Variants in PCSK2 observed in about 807,000 individuals in gnomAD.
PCSK2 encodes neuroendocrine convertase 2.
In PCSK2, 14 loss-of-function variants were observed where a neutral mutation model predicts 69.7. That is an observed-to-expected ratio of 0.20 (90% confidence interval 0.13 to 0.31). The LOEUF (loss-of-function observed/expected upper bound fraction) is 0.31. Among genes scored for constraint, PCSK2 ranks in the 10% least tolerant of loss-of-function variants. The pLI is 1.00. For missense variants in PCSK2, 544 were observed against 842.5 expected, an observed-to-expected ratio of 0.65 and a Z score of 4.39; for synonymous variants, 307 against 320.7, an observed-to-expected ratio of 0.96 and a Z score of 0.46.
chr20:17,242,631 T>A (rs1181524298), intron 1 of PCSK2, among the ~76,000 whole-genome samples: 2 of 152,208 alleles, frequency 1.3e-5, no homozygotes, highest in Non-Finnish European at 2.9e-5. Context: ...AAGGACCTTC[T>A]CAGACCATGC....
chr20:17,359,629 A>C (rs561616721), intron 3 of PCSK2, among the ~76,000 whole-genome samples: 1 of 152,342 alleles, frequency 6.6e-6, no homozygotes, highest in South Asian at 2.1e-4. Flanking sequence ...GTCATCCGCC[A>C]TTCTAACTTC....
intron 2 of PCSK2, among the ~76,000 whole-genome samples, chr20:17,351,990 AG>A (rs1393885018): frequency 2.0e-5 from 3 of 152,374 alleles, no homozygotes; most frequent in South Asian, 4.1e-4. Flanking sequence ...TAATAAAAAA[AG>A]CTTCAGTAAC....
At chr20:17,259,208 G>C (rs916834291) in intron 1 of PCSK2, among the ~76,000 whole-genome samples, 1 of 152,118 alleles carries the variant, frequency 6.6e-6, no homozygotes, top group Admixed American at 6.5e-5. Flanking sequence ...GTAGTGGAAT[G>C]CTTTTTGATT....
intron 3 of PCSK2, 35 bp downstream of exon 3, chr20:17,358,475 T>C: frequency 1.8e-6 from 2 of 1,099,844 alleles, no homozygotes; most frequent in Non-Finnish European, 2.8e-6. Flanking sequence ...ACATTTCCCA[T>C]CTTGAGACTC....
intron 8 of PCSK2, among the ~76,000 whole-genome samples, chr20:17,449,545 T>TATATATATATATGTATTTA (rs1394693452): frequency 6.7e-6 from 1 of 149,774 alleles, no homozygotes; most frequent in African/African-American, 2.5e-5. Flanking sequence ...TATATGTATA[T>TATATATATATATGTATTTA]TTGAGACTGA....
chr20:17,272,261 A>T (rs1987898621), intron 2 of PCSK2, among the ~76,000 whole-genome samples: 1 of 152,118 alleles, frequency 6.6e-6, no homozygotes, highest in Non-Finnish European at 1.5e-5. Flanking sequence ...ATTATTTCAG[A>T]GTAGTATTGC....
At chr20:17,378,374 T>G (rs987211022) in intron 5 of PCSK2, among the ~76,000 whole-genome samples, 2 of 152,188 alleles carry the variant, frequency 1.3e-5, no homozygotes, top group Non-Finnish European at 2.9e-5. Flanking sequence ...CCTAGAAGCC[T>G]AGACTTAAAA....
At chr20:17,364,474 G>A (rs2030518827) in intron 4 of PCSK2, among the ~76,000 whole-genome samples, 1 of 152,164 alleles carries the variant, frequency 6.6e-6, no homozygotes, top group African/African-American at 2.4e-5. Context: ...TCACGATCAT[G>A]GCGGGAGATG....
chr20:17,304,014 G>A (rs1989247311), intron 2 of PCSK2, among the ~76,000 whole-genome samples: 1 of 150,338 alleles, frequency 6.7e-6, no homozygotes, highest in East Asian at 2.0e-4. Context: ...AGCTATATAT[G>A]GTTCTGGAAT....
At chr20:17,381,025 A>C (rs947854172) in intron 5 of PCSK2, among the ~76,000 whole-genome samples, 1 of 152,192 alleles carries the variant, frequency 6.6e-6, no homozygotes, top group African/African-American at 2.4e-5. Context: ...GGCTCCCAGG[A>C]ATCCTGATCT....
At position 17,232,551 on chromosome 20, in the gene PCSK2, T is replaced by A. The variant is rs1986179199; in HGVS notation, c.177+5069T>A. ...TTGGGTTGTCCATCTTCACTTTTTATTTGTAGGATTTCTTTACCTATGATG... is the reference window on the plus strand; with the variant it reads ...TTGGGTTGTCCATCTTCACTTTTTAATTGTAGGATTTCTTTACCTATGATG... On this transcript the variant is annotated intron_variant, in intron 1 of 11. Transcript: ENST00000262545. Among the ~76,000 whole-genome samples, 4 of 152,344 alleles carry A rather than the reference T, an allele frequency of 2.6e-5. No individual in the cohort carries two copies. In the South Asian group the frequency reaches 8.3e-4, roughly 32 times the overall value.
At chr20:17,458,383 C>A (rs2032959367) in intron 10 of PCSK2, among the ~76,000 whole-genome samples, 1 of 152,166 alleles carries the variant, frequency 6.6e-6, no homozygotes, top group South Asian at 2.1e-4. Flanking sequence ...AATTAGGCCT[C>A]AGAGTTTGTT....
chr20:17,371,735 T>C (rs4814613), intron 5 of PCSK2, among the ~76,000 whole-genome samples: 26,485 of 151,926 alleles, frequency 0.17, 3,262 homozygotes, highest in East Asian at 0.5. Flanking sequence ...CATTTTTATG[T>C]TATTAAATAT....
intron 5 of PCSK2, among the ~76,000 whole-genome samples, chr20:17,384,424 CCAAAA>C (rs2031176556): frequency 1.3e-5 from 1 of 76,254 alleles, no homozygotes; most frequent in African/African-American, 3.8e-5. Flanking sequence ...TCCATATCTA[CCAAAA>C]AAAAAAAAAA....
At chr20:17,268,060 T>TATATATATATATAA (rs1395373344) in intron 2 of PCSK2, among the ~76,000 whole-genome samples, 5 of 146,170 alleles carry the variant, frequency 3.4e-5, no homozygotes, top group African/African-American at 1.3e-4. Context: ...TATATATATA[T>TATATATATATATAA]ATAATGCATT....
At chr20:17,481,495 C>G in intron 11 of PCSK2, 89 bp from the exon 12 acceptor site, 3 of 1,239,480 alleles carry the variant, frequency 2.4e-6, no homozygotes, top group Non-Finnish European at 3.4e-6. Context: ...AAAGCCCTTG[C>G]CCTTTCCGCC....
intron 2 of PCSK2, among the ~76,000 whole-genome samples, chr20:17,273,649 C>T (rs6111480): frequency 0.73 from 110,469 of 152,040 alleles, 40,534 homozygotes; most frequent in East Asian, 0.9. Flanking sequence ...AACTGTGTTA[C>T]GCTGGAGTCC....
chr20:17,304,409 A>G (rs1989261656), intron 2 of PCSK2, among the ~76,000 whole-genome samples: 2 of 152,206 alleles, frequency 1.3e-5, no homozygotes, highest in African/African-American at 4.8e-5. Flanking sequence ...GAATTTCAGC[A>G]TAACATTCTT....
chr20:17,244,702 G>A (rs1986709011), intron 1 of PCSK2, among the ~76,000 whole-genome samples: 1 of 152,134 alleles, frequency 6.6e-6, no homozygotes, highest in African/African-American at 2.4e-5. Context: ...GGTTACTCAA[G>A]TGTAAAATTC....
Sources: allele counts gnomAD v4.1 joint callset (sites outside exome capture counted in the v4.1 genomes callset), GRCh38; gene constraint gnomAD v4.1.1; transcripts MANE v1.5; gene names NCBI Gene and HGNC (gene_info 2026-07-23, HGNC 2026-07-21).